Variants in PRIM2 observed in about 807,000 individuals in gnomAD.
PRIM2 encodes DNA primase large subunit.
A neutral mutation model predicts 67.3 loss-of-function variants in PRIM2; 39 were observed. That is an observed-to-expected ratio of 0.58 (90% CI 0.45 to 0.76). The LOEUF is 0.76. Among genes scored for constraint, PRIM2 ranks in the 30% least tolerant of loss-of-function variants. PRIM2 has a pLI of 0.00. For synonymous variants in PRIM2, 143 were observed against 198.7 expected, an observed-to-expected ratio of 0.72 and a Z score of 2.36; for missense variants, 398 against 598.7, an observed-to-expected ratio of 0.66 and a Z score of 3.50.
chr6:57,557,485 G>A (rs1303280388), intron 10 of PRIM2, among the ~76,000 whole-genome samples: 74 of 152,258 alleles, frequency 4.9e-4, no homozygotes, highest in Middle Eastern at 3.4e-3. Flanking sequence ...GATGGAGCTG[G>A]AGGCCATTAT....
chr6:57,518,766 T>G (rs1335149472), intron 8 of PRIM2, among the ~76,000 whole-genome samples: 1 of 152,244 alleles, frequency 6.6e-6, no homozygotes, highest in African/African-American at 2.4e-5. Context: ...TTTTTATCTT[T>G]TGTTTTGGGA....
the PRIM2 span, chr6:57,221,997 G>C: frequency 6.6e-6 from 1 of 152,284 alleles, no homozygotes; most frequent in South Asian, 2.1e-4. Context: ...CAGCGCCGCT[G>C]CACCGCAGCG....
intron 7 of PRIM2, among the ~76,000 whole-genome samples, chr6:57,428,464 A>C (rs563323340): frequency 6.6e-6 from 1 of 152,320 alleles, no homozygotes; most frequent in South Asian, 2.1e-4. Flanking sequence ...AGAAGTAATA[A>C]AACTATTGAT....
At chr6:57,406,305 A>C (rs1407951530) in intron 7 of PRIM2, among the ~76,000 whole-genome samples, 1 of 152,152 alleles carries the variant, frequency 6.6e-6, no homozygotes, top group Non-Finnish European at 1.5e-5. Context: ...CAGACAGATG[A>C]GTACCGTCCA....
the PRIM2 span, among the ~76,000 whole-genome samples, chr6:57,243,499 C>T: frequency 3.3e-5 from 5 of 152,170 alleles, no homozygotes; most frequent in Admixed American, 6.5e-5. Context: ...GATGGAGCCT[C>T]GGTATGTTGC....
intron 7 of PRIM2, among the ~76,000 whole-genome samples, chr6:57,468,012 A>C (rs1268151450): frequency 0.083 from 12,679 of 152,238 alleles, 618 homozygotes; most frequent in East Asian, 0.2. Context: ...TCATCAGCTT[A>C]AGGAGATTTT....
chr6:57,519,793 A>C (rs1774573645), intron 8 of PRIM2, among the ~76,000 whole-genome samples: 1 of 152,216 alleles, frequency 6.6e-6, no homozygotes, highest in African/African-American at 2.4e-5. Flanking sequence ...ATGAAATCTT[A>C]ACAATTTATG....
At chr6:57,472,992 C>G (rs1439497957) in intron 7 of PRIM2, among the ~76,000 whole-genome samples, 3 of 152,140 alleles carry the variant, frequency 2.0e-5, no homozygotes, top group South Asian at 4.1e-4. Flanking sequence ...GTGCATCCCA[C>G]AAACCTGAAA....
the PRIM2 span, among the ~76,000 whole-genome samples, chr6:57,224,836 A>C: frequency 6.6e-6 from 1 of 152,126 alleles, no homozygotes; most frequent in African/African-American, 2.4e-5. Flanking sequence ...CATTATTTGG[A>C]GTTGAAGGCA....
At chr6:57,384,782 A>G (rs7766605) in intron 7 of PRIM2, among the ~76,000 whole-genome samples, 2 of 152,196 alleles carry the variant, frequency 1.3e-5, no homozygotes, top group African/African-American at 4.8e-5. Context: ...GACACTGAAT[A>G]TGAATTAAAT....
chr6:57,542,536 A>G (rs1197530967), intron 10 of PRIM2, among the ~76,000 whole-genome samples: 8 of 152,220 alleles, frequency 5.3e-5, no homozygotes, highest in Middle Eastern at 3.4e-3. Flanking sequence ...GTATGTTTAA[A>G]TTTTTTTATT....
upstream of PRIM2, among the ~76,000 whole-genome samples, chr6:57,310,762 G>A (rs1172702497): frequency 1.3e-5 from 2 of 150,804 alleles, no homozygotes; most frequent in African/African-American, 4.9e-5. Flanking sequence ...AGGCAGAGGC[G>A]CTCCCCACCT....
rs1192908052 is a variant in PRIM2, at chr6:57,508,597, A to G, written c.761+1143A>G. On this transcript the variant is annotated intron_variant, in intron 8 of 13. Transcript: ENST00000615550. The stretch of plus-strand genomic sequence containing the variant: ...ATTTTAAAGATTTAAGTGTATATGT[A>G]TATTTCTTTTTCAAAATCTTATTCT... Among the ~76,000 whole-genome samples the G allele has an allele frequency of 3.9e-5, 6 of 152,200 alleles. No individual in the cohort carries two copies. The East Asian group carries it at 9.6e-4, about 24-fold the overall frequency.
At chr6:57,372,179 C>T (rs3800007) in intron 5 of PRIM2, among the ~76,000 whole-genome samples, 14,039 of 152,116 alleles carry the variant, frequency 0.092, 1,516 homozygotes, top group African/African-American at 0.26. Context: ...TGTCCATCAC[C>T]AAAGAGGAAT....
chr6:57,533,453 C>T (rs1224806773), intron 9 of PRIM2, among the ~76,000 whole-genome samples: 3 of 152,314 alleles, frequency 2.0e-5, no homozygotes, highest in East Asian at 3.9e-4. Context: ...AATAGGTCGT[C>T]TTCCATTTGA....
intron 12 of PRIM2, among the ~76,000 whole-genome samples, chr6:57,618,464 C>G (rs1337763000): frequency 2.0e-5 from 3 of 152,210 alleles, no homozygotes; most frequent in Admixed American, 6.5e-5. Context: ...CTCAGACTCT[C>G]TGAAGGAAGC....
chr6:57,324,853 A>C (rs1317041080), intron 4 of PRIM2, among the ~76,000 whole-genome samples: 2 of 152,014 alleles, frequency 1.3e-5, no homozygotes, highest in Non-Finnish European at 2.9e-5. Context: ...ATCAAGTGAG[A>C]CTCTGGAATT....
chr6:57,436,473 A>G (rs1486200283), intron 7 of PRIM2, among the ~76,000 whole-genome samples: 2 of 152,198 alleles, frequency 1.3e-5, no homozygotes, highest in Admixed American at 6.5e-5. Flanking sequence ...TATTTTAGTC[A>G]CAAACCTTAT....
At chr6:57,544,037 ATGT>A (rs1775235600) in intron 10 of PRIM2, among the ~76,000 whole-genome samples, 2 of 152,298 alleles carry the variant, frequency 1.3e-5, no homozygotes, top group South Asian at 4.1e-4. Flanking sequence ...TAGGAATTTG[ATGT>A]TGTAAGAGTT....
Sources: allele counts gnomAD v4.1 joint callset (sites outside exome capture counted in the v4.1 genomes callset), GRCh38; gene constraint gnomAD v4.1.1; transcripts MANE v1.5; gene names NCBI Gene and HGNC (gene_info 2026-07-23, HGNC 2026-07-21).